Variants in COL4A3 observed in about 807,000 individuals in gnomAD.
The protein encoded by COL4A3 is collagen type IV alpha 3 chain.
In COL4A3, 135 loss-of-function variants were observed where a neutral mutation model predicts 217.4. That is an observed-to-expected ratio of 0.62 (90% confidence interval 0.54 to 0.72). The LOEUF (loss-of-function observed/expected upper bound fraction) is 0.72. Among genes scored for constraint, COL4A3 ranks in the 30% least tolerant of loss-of-function variants. The probability of loss-of-function intolerance (pLI) is 0.00; values close to 1 mark genes in which losing one functional copy is unlikely to be tolerated. For synonymous variants in COL4A3, 690 were observed against 736.3 expected, an observed-to-expected ratio of 0.94 and a Z score of 1.02; for missense variants, 1,868 against 2,119.9, an observed-to-expected ratio of 0.88 and a Z score of 2.33.
At chr2:227,236,687 T>C (rs2068721695) in intron 1 of COL4A3, among the ~76,000 whole-genome samples, 1 of 143,486 alleles carries the variant, frequency 7.0e-6, no homozygotes, top group Non-Finnish European at 1.5e-5. Context: ...TGAGACAGAG[T>C]CTCACTCTGT....
rs567900891 is a variant in COL4A3 at position 227,288,576 on chromosome 2, A to C, written c.2882-574A>C. Among the ~76,000 whole-genome samples, 7 of 152,360 alleles carry C rather than the reference A, an allele frequency of 4.6e-5. No homozygotes were observed. In the South Asian group the frequency reaches 1.4e-3, roughly 32 times the overall value. ...TGACTTACCTAATACTTTATAAATTATAATTTTAATACATGGATTGAGAAT... is the reference window on the plus strand; with the variant it reads ...TGACTTACCTAATACTTTATAAATTCTAATTTTAATACATGGATTGAGAAT... On this transcript the variant is annotated intron_variant, in intron 34 of 51. Transcript: ENST00000396578.
In COL4A3 at chr2:227,311,978, G is replaced by T. The variant is rs200803393; in HGVS notation, c.*108G>T. 2.0e-6 allele frequency: 3 copies of T among 1,532,792 alleles called. No individual in the cohort carries two copies. The highest frequency in any genetic ancestry group is 1.4e-5 in the African/African-American group (1 of 72,860). The allele number at this position is 1,532,792 out of a possible 1,614,324, so 94.9% of individuals were successfully genotyped here. ...CTTTAACCAAACAATATTGCTCCAT[G>T]ATGACTTAGTACAAAGTTTCAATTT... On this transcript the variant is annotated 3_prime_UTR_variant, in exon 52 of 52. Transcript: ENST00000396578.
At chr2:227,263,424 G>A (rs767986890) in intron 20 of COL4A3, among the ~76,000 whole-genome samples, 2 of 152,116 alleles carry the variant, frequency 1.3e-5, no homozygotes, top group Non-Finnish European at 2.9e-5. Context: ...CTCATTTTGC[G>A]CACTGGGGGC....
intron 1 of COL4A3, among the ~76,000 whole-genome samples, chr2:227,185,752 A>G (rs574046869): frequency 2.6e-5 from 4 of 152,216 alleles, no homozygotes; most frequent in Admixed American, 6.5e-5. Context: ...TTCAGTGTGC[A>G]TGAGAGGGAG....
Position 227,272,983 on chromosome 2 carries a change from C to T in COL4A3, c.1793C>T (p.Pro598Leu). Residue 598 changes from proline (P) to leucine (L), a missense_variant, in exon 26 of 52, where the codon CCA (proline) becomes CTA (leucine). By Grantham distance (98) the Pro-to-Leu change is moderately conservative. This residue lies in a region of COL4A3 where 1,503 missense variants were observed against 1,786.1 expected (regional missense o/e 0.84). Transcript: ENST00000396578. ...LSGEKGDQGP[P>L]GDPGSPGSPG... Reference sequence around the variant, plus strand: ...GGTGAGAAAGGGGACCAAGGTCCTCCAGGGGATCCTGGCTCCCCTGGGTCC... The same window carrying T: ...GGTGAGAAAGGGGACCAAGGTCCTCTAGGGGATCCTGGCTCCCCTGGGTCC... The T allele has an allele frequency of 6.2e-7, 1 of 1,614,106 alleles. No homozygotes were observed. Among genetic ancestry groups the T allele is most frequent in the Non-Finnish European group, 8.5e-7 (1 of 1,180,024 alleles).
At chr2:227,290,993 C>T in intron 37 of COL4A3, 107 bp downstream of exon 37, 1 of 1,278,132 alleles carries the variant, frequency 7.8e-7, no homozygotes. Flanking sequence ...GAAACTGTTA[C>T]TATACTTTCA....
chr2:227,269,889 T>C (rs1212300043), intron 23 of COL4A3, 21 bp from the exon 24 acceptor site: 1 of 1,611,540 alleles, frequency 6.2e-7, no homozygotes, highest in Admixed American at 1.7e-5. Context: ...AGGAGTTAGT[T>C]AATAATTCGT....
chr2:227,305,052 A>C lies in COL4A3; in HGVS notation c.4221A>C (p.Glu1407Asp), dbSNP rs771581605. 6.2e-7 allele frequency: 1 copy of C among 1,613,920 alleles called. No homozygotes were observed. The highest frequency in any genetic ancestry group is 1.1e-5 in the South Asian group (1 of 91,030). ...GKPGTPGPAG[E>D]KGNKGSKGEP... ...CAGGAACTCCTGGACCAGCTGGAGAAAAAGGCAACAAAGGTTCTAAAGGAG... is the reference window on the plus strand; with the variant it reads ...CAGGAACTCCTGGACCAGCTGGAGACAAAGGCAACAAAGGTTCTAAAGGAG... Residue 1407 changes from glutamate (E) to aspartate (D), a missense_variant, in exon 47 of 52, where the codon GAA (glutamate) becomes GAC (aspartate). Coordinates refer to ENST00000396578, the MANE Select transcript of COL4A3 (RefSeq NM_000091.5).
At position 227,307,697 on chromosome 2, in the gene COL4A3, G is replaced by GT. The variant is rs2073565941; in HGVS notation, c.4253-12dup. 6.2e-7 allele frequency: 1 copy of GT among 1,611,872 alleles called. No homozygotes were observed. Among genetic ancestry groups the GT allele is most frequent in the African/African-American group, 1.3e-5 (1 of 74,994 alleles). ...TTGTGTATGTTGCAACATTTAGAAT[G>GT]TGTTTTTTGAAGGACCAGCTGGATC... On this transcript the variant is annotated splice_polypyrimidine_tract_variant and intron_variant, in intron 47 of 51. Coordinates refer to ENST00000396578, the MANE Select transcript of COL4A3 (RefSeq NM_000091.5).
At chr2:227,190,420 G>A (rs2066187360) in intron 1 of COL4A3, among the ~76,000 whole-genome samples, 1 of 152,136 alleles carries the variant, frequency 6.6e-6, no homozygotes, top group African/African-American at 2.4e-5. Flanking sequence ...ACCCATTCCT[G>A]AGGAACTAAA....
At chr2:227,274,446 T>C (rs1018800491) in intron 26 of COL4A3, among the ~76,000 whole-genome samples, 1 of 151,656 alleles carries the variant, frequency 6.6e-6, no homozygotes, top group African/African-American at 2.4e-5. Flanking sequence ...TTTCTCTATA[T>C]ATTAAATAAA....
At chr2:227,177,043 G>A (rs2065697005) in intron 1 of COL4A3, among the ~76,000 whole-genome samples, 1 of 151,800 alleles carries the variant, frequency 6.6e-6, no homozygotes, top group Non-Finnish European at 1.5e-5. Context: ...GAGGATTACT[G>A]GTAACATGTT....
chr2:227,254,949 T>G (rs1267930093), intron 15 of COL4A3, among the ~76,000 whole-genome samples: 1 of 152,188 alleles, frequency 6.6e-6, no homozygotes, highest in East Asian at 1.9e-4. Context: ...TCCATCTCAC[T>G]TCTGCTTCTC....
chr2:227,248,643 T>G, intron 9 of COL4A3, 123 bp downstream of exon 9: 1 of 675,264 alleles, frequency 1.5e-6, no homozygotes, highest in Non-Finnish European at 2.6e-6. Flanking sequence ...TAAGAAGATT[T>G]TAAATAGAAA....
chr2:227,206,045 C>T (rs1246299052), intron 1 of COL4A3, among the ~76,000 whole-genome samples: 2 of 151,900 alleles, frequency 1.3e-5, no homozygotes, highest in East Asian at 1.9e-4. Context: ...GGGGTGTAGC[C>T]TGGGCATTAG....
chr2:227,240,616 G>A (rs1159210606), intron 3 of COL4A3, among the ~76,000 whole-genome samples: 3 of 151,826 alleles, frequency 2.0e-5, no homozygotes, highest in Admixed American at 6.6e-5. Flanking sequence ...CCCTCTCTCC[G>A]GACATTCCAA....
chr2:227,300,022 A>G (rs1383060283), intron 43 of COL4A3, among the ~76,000 whole-genome samples: 1 of 152,160 alleles, frequency 6.6e-6, no homozygotes, highest in East Asian at 1.9e-4. Flanking sequence ...ATTTCTTTCC[A>G]ATTATTTTAT....
chr2:227,198,134 C>G (rs973399577), intron 1 of COL4A3, among the ~76,000 whole-genome samples: 2 of 152,214 alleles, frequency 1.3e-5, no homozygotes, highest in Non-Finnish European at 2.9e-5. Flanking sequence ...TTGCATTTTT[C>G]TCTTGGTTGG....
chr2:227,181,019 GTATT>G (rs1483732011), intron 1 of COL4A3, among the ~76,000 whole-genome samples: 1 of 152,150 alleles, frequency 6.6e-6, no homozygotes, highest in East Asian at 1.9e-4. Flanking sequence ...AATGAGCAGA[GTATT>G]TACCTTACAG....
Sources: gnomAD v4.1 joint callset for allele counts (sites outside exome capture counted in the v4.1 genomes callset) on GRCh38, gnomAD v4.1.1 for gene constraint, gnomAD v4.1.1 regional missense constraint, MANE v1.5 for transcripts, NCBI Gene and HGNC (gene_info 2026-07-23, HGNC 2026-07-21) for gene names.